PCDHA6: variants seen among roughly 807,000 people sequenced by gnomAD.
The protein encoded by PCDHA6 is protocadherin alpha-6.
In PCDHA6, 55 loss-of-function variants were observed where a neutral mutation model predicts 60.3. The ratio of observed to expected loss-of-function variants is 0.91; its 90% confidence interval spans 0.73 to 1.14. PCDHA6 has a LOEUF of 1.14. Ranked by LOEUF, PCDHA6 falls within the 50% of genes most tolerant of loss-of-function variation. The pLI, the probability that PCDHA6 is intolerant of heterozygous loss-of-function variation, is 0.00. For synonymous variants in PCDHA6, 652 were observed against 557.9 expected (o/e 1.17, Z -2.38); for missense variants, 1,327 against 1,256.5 (o/e 1.06, Z -0.85).
chr5:140,842,521 C>A (rs144333530), intron 1 of PCDHA6: 1 of 1,613,390 alleles, frequency 6.2e-7, no homozygotes, highest in African/African-American at 1.3e-5. Context: ...TGGTGTCCAC[C>A]TTCAAGAATT....
intron 1 of PCDHA6, among the ~76,000 whole-genome samples, chr5:140,888,848 CAG>C (rs1554183676): frequency 6.6e-6 from 1 of 151,980 alleles, no homozygotes; most frequent in African/African-American, 2.4e-5. Context: ...AGCCTGGTGA[CAG>C]AGTGAGACCA....
chr5:140,875,410 A>G (rs1459624657), intron 1 of PCDHA6: 3 of 1,502,000 alleles, frequency 2.0e-6, no homozygotes, highest in African/African-American at 1.4e-5. Flanking sequence ...TGCTCATAAA[A>G]TACCTCAGGC....
intron 1 of PCDHA6, chr5:140,966,642 GA>G (rs1563353190): frequency 3.1e-5 from 35 of 1,117,790 alleles, no homozygotes; most frequent in Non-Finnish European, 4.1e-5. Context: ...GCGCTTTCTA[GA>G]GCGTGAGCGG....
At chr5:140,902,504 C>G (rs2069506794) in intron 1 of PCDHA6, among the ~76,000 whole-genome samples, 1 of 151,984 alleles carries the variant, frequency 6.6e-6, no homozygotes, top group African/African-American at 2.4e-5. Context: ...AGCTGTGAGT[C>G]TGTCATATAT....
In PCDHA6 at chr5:140,843,632, G is replaced by A. The variant is rs2150363931; in HGVS notation, c.2394+13147G>A. 5 of 1,595,852 alleles carry A rather than the reference G, an allele frequency of 3.1e-6. No homozygotes were observed. In the African/African-American group the frequency reaches 4.0e-5, roughly 13 times the overall value. ...GGGGCCACCGAAGACGGACCTCATG[G>A]CCTTCAGCCCCTGCCTTCCTCCTGA... On this transcript the variant is annotated intron_variant, in intron 1 of 3. Transcript: ENST00000529310.
intron 1 of PCDHA6, among the ~76,000 whole-genome samples, chr5:140,833,364 G>T (rs1298324769): frequency 1.3e-5 from 2 of 152,118 alleles, no homozygotes; most frequent in Non-Finnish European, 2.9e-5. Flanking sequence ...AACACAGTAA[G>T]GTAGATCCAA....
intron 1 of PCDHA6, chr5:140,883,418 C>T: frequency 6.2e-7 from 1 of 1,614,172 alleles, no homozygotes; most frequent in Non-Finnish European, 8.5e-7. Flanking sequence ...CTCAAATGGA[C>T]AGGTCACCTG....
At chr5:140,937,890 C>G (rs1209951664) in intron 1 of PCDHA6, among the ~76,000 whole-genome samples, 1 of 145,964 alleles carries the variant, frequency 6.9e-6, no homozygotes, top group Non-Finnish European at 1.5e-5. Flanking sequence ...CCAGCCTGGG[C>G]GACAGAGTGA....
chr5:140,917,249 G>A (rs1439724525), intron 1 of PCDHA6, among the ~76,000 whole-genome samples: 1 of 149,466 alleles, frequency 6.7e-6, no homozygotes, highest in African/African-American at 2.5e-5. Flanking sequence ...TACTACGATT[G>A]CTCACCTGAT....
intron 1 of PCDHA6, chr5:140,841,564 T>C (rs2150318261): frequency 1.2e-6 from 2 of 1,613,882 alleles, no homozygotes; most frequent in South Asian, 1.1e-5. Flanking sequence ...GTCTGCAGAA[T>C]GGCATTTTGT....
At chr5:140,941,194 T>TCTTC (rs781904538) in intron 1 of PCDHA6, among the ~76,000 whole-genome samples, 2 of 112,354 alleles carry the variant, frequency 1.8e-5, no homozygotes, top group Non-Finnish European at 3.8e-5. Context: ...TCTTTTTTTT[T>TCTTC]CTTTCTTCCT....
chr5:140,987,433 T>C (rs2097253895), intron 3 of PCDHA6, among the ~76,000 whole-genome samples: 1 of 152,108 alleles, frequency 6.6e-6, no homozygotes. Flanking sequence ...CAGGGGGCCT[T>C]TCCCCATGCC....
At chr5:140,922,135 C>T (rs550862927) in intron 1 of PCDHA6, among the ~76,000 whole-genome samples, 3 of 152,092 alleles carry the variant, frequency 2.0e-5, no homozygotes, top group African/African-American at 7.2e-5. Context: ...TGTCTCTTAT[C>T]CTCCATGAAA....
At chr5:140,933,043 TTACAG>T (rs2088815102) in intron 1 of PCDHA6, among the ~76,000 whole-genome samples, 1 of 151,992 alleles carries the variant, frequency 6.6e-6, no homozygotes, top group Admixed American at 6.5e-5. Flanking sequence ...TGAATATGGA[TTACAG>T]TCCAGGATCC....
chr5:140,884,409 C>T, intron 1 of PCDHA6: 4 of 1,613,992 alleles, frequency 2.5e-6, no homozygotes, highest in Non-Finnish European at 3.4e-6. Context: ...TTGGTGCTCA[C>T]GTTGCTGCTG....
intron 1 of PCDHA6, chr5:140,860,548 T>C (rs1219356676): frequency 6.6e-6 from 1 of 152,138 alleles, no homozygotes; most frequent in Non-Finnish European, 1.5e-5. Flanking sequence ...CAAACCCACC[T>C]TTGAAGAGGT....
chr5:140,882,637 G>A (rs540228460), intron 1 of PCDHA6: 1 of 1,614,234 alleles, frequency 6.2e-7, no homozygotes, highest in African/African-American at 1.3e-5. Flanking sequence ...AGGTGAAGGT[G>A]AGGGACATTA....
At chr5:140,969,038 A>G in intron 1 of PCDHA6, 1 of 1,614,148 alleles carries the variant, frequency 6.2e-7, no homozygotes, top group South Asian at 1.1e-5. Context: ...AGAACTGTAC[A>G]AACAAGCCAA....
Position 140,828,073 on chromosome 5 carries a change from A to T in PCDHA6, c.-19A>T. The T allele has an allele frequency of 2.6e-6, 4 of 1,567,184 alleles. No homozygotes were observed. Among genetic ancestry groups the T allele is most frequent in the Non-Finnish European group, 3.5e-6 (4 of 1,158,558 alleles). ...ATGCGGAAGATCTTCTAATGGAAATAAAACCAGAGGTATTTGACATGGTGT... is the reference window on the plus strand; with the variant it reads ...ATGCGGAAGATCTTCTAATGGAAATTAAACCAGAGGTATTTGACATGGTGT... On this transcript the variant is annotated 5_prime_UTR_variant, in exon 1 of 4. Coordinates refer to ENST00000529310, the MANE Select transcript of PCDHA6 (RefSeq NM_018909.4).
Sources: allele counts gnomAD v4.1 joint callset (sites outside exome capture counted in the v4.1 genomes callset), GRCh38; gene constraint gnomAD v4.1.1; transcripts MANE v1.5; gene names NCBI Gene and HGNC (gene_info 2026-07-23, HGNC 2026-07-21).